ABCB10: variants seen among roughly 807,000 people sequenced by gnomAD.
ABCB10 encodes ATP-binding cassette sub-family B member 10, mitochondrial.
In ABCB10, 54 loss-of-function variants were observed where a neutral mutation model predicts 65.4. The observed-to-expected ratio is 0.83, with a 90% CI of 0.66 to 1.04. The LOEUF (loss-of-function observed/expected upper bound fraction) is 1.04. Ranked by LOEUF, ABCB10 falls within the 50% of genes least tolerant of loss-of-function variation. ABCB10 has a pLI of 0.00. For missense variants in ABCB10, 846 were observed against 976.6 expected (o/e 0.87, Z 1.78); for synonymous variants, 418 against 406.5 (o/e 1.03, Z -0.34).
At chr1:229,552,838 G>A (rs939909282) in intron 1 of ABCB10, among the ~76,000 whole-genome samples, 8 of 152,066 alleles carry the variant, frequency 5.3e-5, no homozygotes, top group South Asian at 2.1e-4. Flanking sequence ...GGGAGCCTAC[G>A]CAAGGTCTCC....
At chr1:229,519,157 TCC>T (rs1237673463) in intron 11 of ABCB10, 1 of 280,084 alleles carries the variant, frequency 3.6e-6, no homozygotes, top group East Asian at 6.5e-5. Flanking sequence ...GAGTAGAGGG[TCC>T]CTGGGGGGGT....
At chr1:229,521,665 GC>G in intron 10 of ABCB10, 30 bp from the exon 11 acceptor site, 1 of 1,611,098 alleles carries the variant, frequency 6.2e-7, no homozygotes, top group African/African-American at 1.3e-5. Context: ...AAAAAAGAAG[GC>G]CTCAACAAAA....
intron 11 of ABCB10, 40 bp from the exon 12 acceptor site, chr1:229,518,915 T>C (rs750811175): frequency 1.3e-6 from 2 of 1,486,032 alleles, no homozygotes; most frequent in East Asian, 4.5e-5. Flanking sequence ...AATAATTTTA[T>C]TGGAAAAATA....
At chr1:229,541,278 G>C (rs1200805406) in intron 4 of ABCB10, among the ~76,000 whole-genome samples, 2 of 152,050 alleles carry the variant, frequency 1.3e-5, no homozygotes, top group African/African-American at 4.8e-5. Context: ...CCAGGCTGGA[G>C]TGCAATGGCG....
intron 1 of ABCB10, 49 bp downstream of exon 1, chr1:229,558,087 G>A: frequency 7.7e-7 from 1 of 1,302,922 alleles, no homozygotes; most frequent in Non-Finnish European, 9.7e-7. Flanking sequence ...GACCCCGCGT[G>A]TGGAGAAGGA....
intron 3 of ABCB10, among the ~76,000 whole-genome samples, chr1:229,543,130 C>CAAAA (rs35652910): frequency 1.6e-5 from 1 of 62,394 alleles, no homozygotes; most frequent in Non-Finnish European, 3.1e-5. Context: ...AACTCCATCT[C>CAAAA]AAAAAAAAAA....
At chr1:229,536,061 C>T (rs116352015) in intron 6 of ABCB10, among the ~76,000 whole-genome samples, 2,625 of 152,010 alleles carry the variant, frequency 0.017, 74 homozygotes, top group African/African-American at 0.058. Flanking sequence ...TACCACTCTG[C>T]GGGGGATGTT....
chr1:229,550,300 T>A (rs1391166048), intron 1 of ABCB10, among the ~76,000 whole-genome samples: 1 of 150,930 alleles, frequency 6.6e-6, no homozygotes, highest in Non-Finnish European at 1.5e-5. Flanking sequence ...CTGAGGTGGG[T>A]GGATTGTTTG....
chr1:229,558,275 G>A lies in ABCB10; in HGVS notation c.378C>T (p.Ala126=). The change falls in exon 1 of 13, where the codon GCC becomes GCT. Residue 126 remains alanine, a synonymous_variant. Coordinates refer to ENST00000344517, the MANE Select transcript of ABCB10 (RefSeq NM_012089.3). ...GCCGCCAGGCCTCGTCCCCTGCCCA[G>A]GCAGCGGCTGCGGGACCGCCCGGGA... ...ARFPGGPAAA[A]WAGDEAWRRG... 2.4e-6 allele frequency: 3 copies of A among 1,257,728 alleles called. No individual in the cohort carries two copies. The highest frequency in any genetic ancestry group is 3.2e-4 in the Middle Eastern group (1 of 3,148). 77.9% of individuals were successfully genotyped at this position (1,257,728 alleles called of 1,614,324 possible). A position where few individuals can be genotyped will look rare whatever the true frequency, so the allele number is the denominator to read the frequency against.
At chr1:229,556,303 C>T (rs538227159) in intron 1 of ABCB10, among the ~76,000 whole-genome samples, 21 of 150,172 alleles carry the variant, frequency 1.4e-4, no homozygotes, top group African/African-American at 2.5e-5. Context: ...ACCCGGGAGG[C>T]GGAGGTTGCG....
chr1:229,531,321 C>T (rs1662578800), intron 7 of ABCB10, among the ~76,000 whole-genome samples: 1 of 152,210 alleles, frequency 6.6e-6, no homozygotes, highest in African/African-American at 2.4e-5. Flanking sequence ...CTAGCTGGGA[C>T]ACAGCCCTGG....
intron 5 of ABCB10, among the ~76,000 whole-genome samples, chr1:229,540,123 A>G (rs1276945117): frequency 3.3e-5 from 5 of 152,178 alleles, no homozygotes; most frequent in Non-Finnish European, 4.4e-5. Flanking sequence ...CATATCTGGA[A>G]TTTGCCCTCA....
intron 4 of ABCB10, among the ~76,000 whole-genome samples, chr1:229,541,744 A>G (rs1213321404): frequency 6.6e-6 from 1 of 151,970 alleles, no homozygotes; most frequent in African/African-American, 2.4e-5. Context: ...ATTTGAAACC[A>G]GCCTGGGCAA....
chr1:229,531,585 G>A lies in ABCB10; in HGVS notation c.1435+51C>T, dbSNP rs779360880. Reference sequence around the variant, plus strand: ...AGACAGGGGAAGAGCTGGTCTCATTGTTCAAAGCCACATTTGTTAATCCTA... The same window carrying A: ...AGACAGGGGAAGAGCTGGTCTCATTATTCAAAGCCACATTTGTTAATCCTA... On this transcript the variant is annotated intron_variant, in intron 7 of 12. Coordinates refer to ENST00000344517, the MANE Select transcript of ABCB10 (RefSeq NM_012089.3). The A allele has an allele frequency of 5.7e-6, 9 of 1,566,108 alleles. No homozygotes were observed. In the African/African-American group the frequency reaches 6.8e-5, roughly 12 times the overall value.
At chr1:229,549,464 G>T (rs376361713) in intron 1 of ABCB10, 30 bp from the exon 2 acceptor site, 227 of 1,596,826 alleles carry the variant, frequency 1.4e-4, no homozygotes, top group Non-Finnish European at 1.8e-4. Context: ...TCAATGTTCA[G>T]GTTGCTTCAG....
At chr1:229,552,238 A>C (rs1013179867) in intron 1 of ABCB10, among the ~76,000 whole-genome samples, 2 of 152,242 alleles carry the variant, frequency 1.3e-5, no homozygotes, top group African/African-American at 4.8e-5. Context: ...GATTCTTGTT[A>C]ATCAAGATCT....
chr1:229,531,946 AGTT>A, intron 6 of ABCB10: 6 of 219,730 alleles, frequency 2.7e-5, no homozygotes, highest in Non-Finnish European at 4.2e-5. Flanking sequence ...CCAGTTTCAT[AGTT>A]TTTTTTTTTT....
chr1:229,551,831 C>G (rs1663124895), intron 1 of ABCB10, among the ~76,000 whole-genome samples: 1 of 152,240 alleles, frequency 6.6e-6, no homozygotes, highest in African/African-American at 2.4e-5. Context: ...CAGGATTCAG[C>G]AGAAAATTCT....
chr1:229,547,144 C>G (rs1253216945), intron 3 of ABCB10, among the ~76,000 whole-genome samples: 1 of 152,162 alleles, frequency 6.6e-6, no homozygotes, highest in Non-Finnish European at 1.5e-5. Flanking sequence ...CTTACACACA[C>G]AGAGGAATGG....
Sources: allele counts gnomAD v4.1 joint callset (sites outside exome capture counted in the v4.1 genomes callset), GRCh38; gene constraint gnomAD v4.1.1; transcripts MANE v1.5; gene names NCBI Gene and HGNC (gene_info 2026-07-23, HGNC 2026-07-21).